PTOV1: variants seen among roughly 807,000 people sequenced by gnomAD.
The protein encoded by PTOV1 is prostate tumor-overexpressed gene 1 protein.
PTOV1 carries 20 observed loss-of-function variants against 58.0 expected under a neutral mutation model. That is an observed-to-expected ratio of 0.34 (90% CI 0.24 to 0.50). The LOEUF (loss-of-function observed/expected upper bound fraction) is 0.50. Ranked by LOEUF, PTOV1 falls within the 20% of genes least tolerant of loss-of-function variation. The pLI is 0.98. For synonymous variants in PTOV1, 335 were observed against 234.2 expected (o/e 1.43, Z -3.93); for missense variants, 593 against 565.4 (o/e 1.05, Z -0.50).
At chr19:49,855,456 T>G (rs770325833) in intron 5 of PTOV1, 12 of 280,710 alleles carry the variant, frequency 4.3e-5, no homozygotes, top group Non-Finnish European at 8.5e-5. Context: ...AGTGGCACGT[T>G]GGGGCTTGGT....
At chr19:49,855,335 G>C (rs780452916) in intron 5 of PTOV1, 149 of 520,850 alleles carry the variant, frequency 2.9e-4, no homozygotes, top group Non-Finnish European at 4.8e-4. Context: ...CGTGAGTGCA[G>C]GGAGGGACTG....
At chr19:49,854,304 T>C in intron 1 of PTOV1, 102 bp from the exon 2 acceptor site, 1 of 1,465,358 alleles carries the variant, frequency 6.8e-7, no homozygotes, top group Non-Finnish European at 9.2e-7. Context: ...AGCAGGGGAT[T>C]TGGGGCTGAA....
At chr19:49,857,327 T>A (rs2074517311) in intron 6 of PTOV1, 197 bp downstream of exon 6, 1 of 757,486 alleles carries the variant, frequency 1.3e-6, no homozygotes, top group Non-Finnish European at 2.1e-6. Context: ...TCTGCAGGGC[T>A]GGAGGGTGGG....
chr19:49,850,948 C>T (rs1393472482), upstream of PTOV1: 1 of 1,535,798 alleles, frequency 6.5e-7, no homozygotes, highest in Non-Finnish European at 8.7e-7. Flanking sequence ...CTTCTGCCAC[C>T]CCATTCGGTA....
Position 49,853,688 on chromosome 19 carries a change from T to C in PTOV1, c.172-718T>C, listed in dbSNP as rs74844275. 3.9e-3 allele frequency among the ~76,000 whole-genome samples: 601 copies of C among 152,270 alleles called. 6 individuals carry two copies. The highest frequency in any genetic ancestry group is 0.014 in the African/African-American group (564 of 41,550). ...CATTTGTGGCGTTGCTTGGCTTTATTGCTAGAACTTTCTCTTGGTGTTCTA... is the reference window on the plus strand; with the variant it reads ...CATTTGTGGCGTTGCTTGGCTTTATCGCTAGAACTTTCTCTTGGTGTTCTA... On this transcript the variant is annotated intron_variant, in intron 1 of 11. Coordinates refer to ENST00000391842, the Ensembl canonical transcript of PTOV1.
Position 49,858,580 on chromosome 19 carries a change from G to A in PTOV1, c.968G>A (p.Arg323His), listed in dbSNP as rs1459268287. The change falls in exon 10 of 12, where the codon CGC (arginine) becomes CAC (histidine). Residue 323 changes from arginine (R) to histidine (H), a missense_variant. Transcript: ENST00000391842. ...CTAGTGCCGCTGTTCCGGAACTCGCGCCTGGTCCAGTTCCACTTCACCAAG... is the reference window on the plus strand; with the variant it reads ...CTAGTGCCGCTGTTCCGGAACTCGCACCTGGTCCAGTTCCACTTCACCAAG... The A allele has an allele frequency of 1.0e-5, 16 of 1,605,208 alleles. No individual in the cohort carries two copies. Among genetic ancestry groups the A allele is most frequent in the South Asian group, 3.3e-5 (3 of 89,586 alleles).
chr19:49,857,486 G>T, intron 6 of PTOV1: 1 of 627,116 alleles, frequency 1.6e-6, no homozygotes, highest in Admixed American at 2.9e-5. Context: ...TGCACCAGGT[G>T]AGGGCCGGGA....
chr19:49,851,622 G>A, intron 1 of PTOV1, 123 bp downstream of exon 1: 1 of 1,062,126 alleles, frequency 9.4e-7, no homozygotes, highest in Non-Finnish European at 1.2e-6. Context: ...CCGAAGGGTG[G>A]TCCCGCCCGG....
chr19:49,856,770 A>T, intron 5 of PTOV1: 1 of 601,852 alleles, frequency 1.7e-6, no homozygotes, highest in Non-Finnish European at 2.8e-6. Context: ...TGCCACTCTG[A>T]CCTCAGCCAT....
chr19:49,852,936 G>GA (rs1428670773), intron 1 of PTOV1: 3 of 152,190 alleles, frequency 2.0e-5, no homozygotes, highest in African/African-American at 7.2e-5. Context: ...TATGGTGCCT[G>GA]AAGCCCCCGG....
upstream of PTOV1, chr19:49,851,016 TC>T (rs1418910987): frequency 3.9e-6 from 6 of 1,527,000 alleles, no homozygotes; most frequent in African/African-American, 1.4e-5. Flanking sequence ...TTCCCAGGAC[TC>T]CCCCGCGCCG....
chr19:49,854,266 G>C (rs2074367304), intron 1 of PTOV1, 140 bp from the exon 2 acceptor site: 1 of 1,131,124 alleles, frequency 8.8e-7, no homozygotes, highest in Non-Finnish European at 1.3e-6. Flanking sequence ...GGTGAGCAGA[G>C]GGTTTGGACA....
chr19:49,859,854 G>A (rs1278577824), intron 10 of PTOV1, 132 bp from the exon 11 acceptor site: 2 of 962,608 alleles, frequency 2.1e-6, no homozygotes, highest in Non-Finnish European at 3.2e-6. Flanking sequence ...CCACCTCCAG[G>A]GTGGGTGGGG....
chr19:49,851,009 C>T, upstream of PTOV1: 3 of 1,532,824 alleles, frequency 2.0e-6, no homozygotes, highest in African/African-American at 1.4e-5. Flanking sequence ...GCGCGTCTTC[C>T]CAGGACTCCC....
At chr19:49,856,897 A>C (rs775871528) in intron 5 of PTOV1, 78 bp from the exon 6 acceptor site, 6 of 1,547,328 alleles carry the variant, frequency 3.9e-6, no homozygotes, top group Non-Finnish European at 5.3e-6. Flanking sequence ...CATCCCCTAC[A>C]GGTGGGGCGG....
At chr19:49,851,037 G>C (rs1212262209), upstream of PTOV1, 13 of 1,521,736 alleles carry the variant, frequency 8.5e-6, no homozygotes, top group African/African-American at 1.4e-5. Context: ...GGAGAGGCCC[G>C]CAGGACCGCC....
At chr19:49,857,668 T>A in intron 6 of PTOV1, 25 bp from the exon 7 acceptor site, 1 of 1,608,506 alleles carries the variant, frequency 6.2e-7, no homozygotes, top group Non-Finnish European at 8.5e-7. Flanking sequence ...TGGGCCCCTC[T>A]TCCCACCCCG....
intron 1 of PTOV1, among the ~76,000 whole-genome samples, chr19:49,853,418 G>A (rs1470170671): frequency 2.6e-5 from 4 of 151,594 alleles, no homozygotes; most frequent in Non-Finnish European, 5.9e-5. Context: ...CACTTTGGGA[G>A]GCCGAGGCGG....
At chr19:49,857,643 G>T in intron 6 of PTOV1, 50 bp from the exon 7 acceptor site, 1 of 1,551,020 alleles carries the variant, frequency 6.4e-7, no homozygotes, top group South Asian at 1.1e-5. Flanking sequence ...CAGACAGACA[G>T]GTTTCCCAGG....
Sources: gnomAD v4.1 joint callset for allele counts (sites outside exome capture counted in the v4.1 genomes callset) on GRCh38, gnomAD v4.1.1 for gene constraint, MANE v1.5 for transcripts, NCBI Gene and HGNC (gene_info 2026-07-23, HGNC 2026-07-21) for gene names.